Variants in ZEB1 observed in about 807,000 individuals in gnomAD.
ZEB1 encodes zinc finger E-box binding homeobox 1, also known as zinc finger E-box-binding homeobox 1.
In ZEB1, 21 loss-of-function variants were observed where a neutral mutation model predicts 84.9. The observed-to-expected ratio is 0.25, with a 90% CI of 0.18 to 0.36. ZEB1 has a LOEUF of 0.36. ZEB1 is among the 10% of genes least tolerant of loss of function. The pLI is 1.00. For missense variants in ZEB1, 1,104 were observed against 1,330.2 expected, an observed-to-expected ratio of 0.83 and a Z score of 2.65; for synonymous variants, 420 against 471.1, an observed-to-expected ratio of 0.89 and a Z score of 1.41.
At chr10:31,326,487 A>G (rs2035526100) in intron 1 of ZEB1, among the ~76,000 whole-genome samples, 1 of 152,226 alleles carries the variant, frequency 6.6e-6, no homozygotes, top group African/African-American at 2.4e-5. Flanking sequence ...ATAAATATTC[A>G]TTAAGAAAAT....
chr10:31,475,374 T>A (rs1397909983), intron 2 of ZEB1, among the ~76,000 whole-genome samples: 2 of 152,116 alleles, frequency 1.3e-5, no homozygotes, highest in African/African-American at 2.4e-5. Context: ...GGAAAAATAT[T>A]TGAGGGGATA....
chr10:31,395,230 A>G (rs1238491839), intron 1 of ZEB1, among the ~76,000 whole-genome samples: 1 of 152,200 alleles, frequency 6.6e-6, no homozygotes, highest in Non-Finnish European at 1.5e-5. Flanking sequence ...AATCTTGTCT[A>G]GTCTCACTGT....
At position 31,408,129 on chromosome 10, in the gene ZEB1, G is replaced by C. The variant is rs1043973214; in HGVS notation, c.59-52908G>C. On this transcript the variant is annotated intron_variant, in intron 1 of 8. Transcript: ENST00000424869. The stretch of plus-strand genomic sequence containing the variant: ...ACAAACAGAGAGCCAAATCATGAGT[G>C]AACTCCCATTCACAATTGCTTCAAA... Among the ~76,000 whole-genome samples the C allele has an allele frequency of 4.0e-5, 6 of 151,886 alleles. No homozygotes were observed. The East Asian group carries it at 1.2e-3, about 29-fold the overall frequency.
intron 1 of ZEB1, among the ~76,000 whole-genome samples, chr10:31,357,963 T>C (rs1186772432): frequency 3.3e-5 from 5 of 152,176 alleles, no homozygotes; most frequent in Admixed American, 3.3e-4. Context: ...GAAATAAACT[T>C]CTCTTGGCGT....
intron 2 of ZEB1, among the ~76,000 whole-genome samples, chr10:31,491,002 A>T (rs1300741360): frequency 1.3e-5 from 2 of 151,746 alleles, no homozygotes; most frequent in African/African-American, 4.8e-5. Context: ...AATCTAGAAC[A>T]TGGGTAATTG....
chr10:31,328,542 A>AG (rs35658322), intron 1 of ZEB1, among the ~76,000 whole-genome samples: 1 of 152,118 alleles, frequency 6.6e-6, no homozygotes, highest in South Asian at 2.1e-4. Context: ...ACCATCTGAA[A>AG]GGGGGTTGCT....
chr10:31,465,992 A>G (rs2062373534), intron 2 of ZEB1, among the ~76,000 whole-genome samples: 1 of 152,226 alleles, frequency 6.6e-6, no homozygotes, highest in Non-Finnish European at 1.5e-5. Flanking sequence ...TTTTTACACC[A>G]GGCAAAATAA....
intron 2 of ZEB1, among the ~76,000 whole-genome samples, chr10:31,495,248 C>T (rs2138998436): frequency 6.6e-6 from 1 of 151,968 alleles, no homozygotes; most frequent in East Asian, 1.9e-4. Flanking sequence ...TAGCACAGTG[C>T]CTGGAACATA....
At chr10:31,415,534 TAAA>T (rs144790727) in intron 1 of ZEB1, among the ~76,000 whole-genome samples, 1 of 151,628 alleles carries the variant, frequency 6.6e-6, no homozygotes, top group Non-Finnish European at 1.5e-5. Context: ...AATTATAATT[TAAA>T]AAAAAATCTT....
intron 1 of ZEB1, among the ~76,000 whole-genome samples, chr10:31,436,203 G>A (rs2058284453): frequency 6.6e-6 from 1 of 152,100 alleles, no homozygotes; most frequent in South Asian, 2.1e-4. Context: ...CGAATCAAGA[G>A]AACAAAACAA....
At chr10:31,377,597 T>C (rs1208263410) in intron 1 of ZEB1, among the ~76,000 whole-genome samples, 2 of 151,772 alleles carry the variant, frequency 1.3e-5, no homozygotes, top group African/African-American at 2.4e-5. Flanking sequence ...GCCCTTCAAA[T>C]TGAGTTTTAC....
chr10:31,413,768 T>G (rs2054714911), intron 1 of ZEB1, among the ~76,000 whole-genome samples: 1 of 152,212 alleles, frequency 6.6e-6, no homozygotes, highest in Non-Finnish European at 1.5e-5. Context: ...GTCTGTATCT[T>G]TAAGACTGCA....
At position 31,522,535 on chromosome 10, in the gene ZEB1, T is replaced by A. The variant is rs113624935; in HGVS notation, c.2604+599T>A. Among the ~76,000 whole-genome samples, 778 of 152,304 alleles carry A rather than the reference T, an allele frequency of 5.1e-3. 7 individuals carry two copies. The highest frequency in any genetic ancestry group is 0.017 in the African/African-American group (723 of 41,552). On this transcript the variant is annotated intron_variant, in intron 7 of 8. Coordinates refer to ENST00000424869, the MANE Select transcript of ZEB1 (RefSeq NM_001174096.2). ...GTGGCTGTGAACCTAAAAATACATA[T>A]GCATTTTCCTCCTTAACTATCACAG... is the stretch of plus-strand genomic sequence containing the variant.
At chr10:31,446,767 G>A (rs1346707059) in intron 1 of ZEB1, among the ~76,000 whole-genome samples, 1 of 151,104 alleles carries the variant, frequency 6.6e-6, no homozygotes, top group Admixed American at 6.6e-5. Context: ...ATTGCACTGT[G>A]GTCTGAGAGA....
At chr10:31,346,953 T>G (rs550961551) in intron 1 of ZEB1, among the ~76,000 whole-genome samples, 2 of 152,296 alleles carry the variant, frequency 1.3e-5, no homozygotes, top group African/African-American at 4.8e-5. Context: ...AAAGCTTTGA[T>G]AAGTGAGATG....
intron 1 of ZEB1, among the ~76,000 whole-genome samples, chr10:31,403,469 T>C (rs1009744798): frequency 2.0e-5 from 3 of 151,976 alleles, no homozygotes; most frequent in Middle Eastern, 6.3e-3. Flanking sequence ...TTCTGGCAGA[T>C]TAAAACATCT....
At position 31,347,363 on chromosome 10, in the gene ZEB1, A is replaced by G. The variant is rs568658680; in HGVS notation, c.58+28071A>G. ...TTTATTGAAAACATTTGTTTAGCATATATCTGTGTTATTTTAATTTTAATG... is the reference window on the plus strand; with the variant it reads ...TTTATTGAAAACATTTGTTTAGCATGTATCTGTGTTATTTTAATTTTAATG... On this transcript the variant is annotated intron_variant, in intron 1 of 8. Transcript: ENST00000424869. 3.3e-5 allele frequency among the ~76,000 whole-genome samples: 5 copies of G among 152,228 alleles called. No individual in the cohort carries two copies. The South Asian group carries it at 6.2e-4, about 19-fold the overall frequency.
At chr10:31,362,923 T>C in intron 1 of ZEB1, 1 of 1,518,606 alleles carries the variant, frequency 6.6e-7, no homozygotes, top group Non-Finnish European at 8.8e-7. Flanking sequence ...GTTGCCATGC[T>C]GGAGGCGTCC....
chr10:31,524,194 TTTTC>T (rs973819457), intron 8 of ZEB1, 81 bp downstream of exon 8: 27 of 1,437,636 alleles, frequency 1.9e-5, no homozygotes, highest in Admixed American at 6.1e-5. Context: ...AGTTTTAGAA[TTTTC>T]TTTCTTTTTT....
Sources: gnomAD v4.1 joint callset for allele counts (sites outside exome capture counted in the v4.1 genomes callset) on GRCh38, gnomAD v4.1.1 for gene constraint, MANE v1.5 for transcripts, NCBI Gene and HGNC (gene_info 2026-07-23, HGNC 2026-07-21) for gene names.